STXBP5: variants seen among roughly 807,000 people sequenced by gnomAD.
The protein encoded by STXBP5 is syntaxin binding protein 5, also known as syntaxin-binding protein 5.
Under a neutral mutation model 152.4 loss-of-function variants are expected in STXBP5, and 50 were observed. The observed-to-expected ratio is 0.33, with a 90% confidence interval of 0.26 to 0.42. STXBP5 has a LOEUF of 0.42. STXBP5 is among the 10% of genes least tolerant of loss of function. The pLI is 1.00. For missense variants in STXBP5, 1,167 were observed against 1,388.6 expected (o/e 0.84, Z 2.54); for synonymous variants, 492 against 494.7 (o/e 0.99, Z 0.07).
chr6:147,260,651 G>T lies in STXBP5; in HGVS notation c.468G>T (p.Trp156Cys). 3.7e-6 allele frequency: 6 copies of T among 1,613,616 alleles called. No homozygotes were observed. The highest frequency in any genetic ancestry group is 5.1e-6 in the Non-Finnish European group (6 of 1,179,718). Residue 156 changes from tryptophan to cysteine, a missense_variant, in exon 5 of 28, where the codon TGG (tryptophan) becomes TGT (cysteine). By Grantham distance (215) the Trp-to-Cys change is radical (BLOSUM62 -2). Transcript: ENST00000321680. ...TFCHLPFQSKWLYVGTERGNI... is the reference protein window; with the variant it reads ...TFCHLPFQSKCLYVGTERGNI... ...GCCATCTGCCTTTCCAGAGTAAGTGGCTCTATGTGGGCACTGAACGAGGTA... is the reference window on the plus strand; with the variant it reads ...GCCATCTGCCTTTCCAGAGTAAGTGTCTCTATGTGGGCACTGAACGAGGTA...
chr6:147,258,142 A>G (rs1312130150), intron 4 of STXBP5, among the ~76,000 whole-genome samples: 1 of 152,172 alleles, frequency 6.6e-6, no homozygotes, highest in Non-Finnish European at 1.5e-5. Context: ...CTAATAATTC[A>G]TTGGCGCATG....
chr6:147,322,317 A>G (rs1035669771), intron 16 of STXBP5, among the ~76,000 whole-genome samples: 1 of 152,214 alleles, frequency 6.6e-6, no homozygotes, highest in Non-Finnish European at 1.5e-5. Flanking sequence ...GTATTTCCCT[A>G]AGAATAATTC....
chr6:147,218,971 T>C (rs886713941), intron 2 of STXBP5, among the ~76,000 whole-genome samples: 24 of 152,216 alleles, frequency 1.6e-4, no homozygotes, highest in African/African-American at 5.5e-4. Context: ...CATTAGCTGG[T>C]GCTCCCATTA....
chr6:147,211,050 C>G (rs568428156), intron 2 of STXBP5, among the ~76,000 whole-genome samples: 1 of 152,118 alleles, frequency 6.6e-6, no homozygotes, highest in Non-Finnish European at 1.5e-5. Context: ...CAGAGGCTCA[C>G]GCCTGTAATC....
At chr6:147,226,929 A>G (rs1777748707) in intron 2 of STXBP5, among the ~76,000 whole-genome samples, 1 of 152,172 alleles carries the variant, frequency 6.6e-6, no homozygotes, top group Non-Finnish European at 1.5e-5. Flanking sequence ...GAGGGTAATT[A>G]GGATCATTAG....
chr6:147,381,883 G>A (rs1786103031), intron 26 of STXBP5, among the ~76,000 whole-genome samples: 1 of 152,088 alleles, frequency 6.6e-6, no homozygotes, highest in Non-Finnish European at 1.5e-5. Flanking sequence ...GCAAAGAGTG[G>A]GAATGGAAAG....
At position 147,324,263 on chromosome 6, in the gene STXBP5, G is replaced by GTTTTTTTTT. The variant is rs764684701; in HGVS notation, c.1803-696_1803-695insTTTTTTTTT. ...TTTAAGTTTTGTGGGGTTTTTTTTT[G>GTTTTTTTTT]GTTTTTTTTTTTTTTTTTTTTTTTT... is the stretch of plus-strand genomic sequence containing the variant. On this transcript the variant is annotated intron_variant, in intron 16 of 27. Transcript: ENST00000321680. Among the ~76,000 whole-genome samples, 114 of 85,010 alleles carry GTTTTTTTTT rather than the reference G, an allele frequency of 1.3e-3. 6 individuals are homozygous for GTTTTTTTTT. The highest frequency in any genetic ancestry group is 1.9e-3 in the East Asian group (6 of 3,182). 55.8% of individuals were successfully genotyped at this position (85,010 alleles called of 152,430 possible).
rs1315782198 is a variant in STXBP5 at position 147,259,730 on chromosome 6, TG to T, written c.432-878del. ...ATAAAGTCTTTTCTGAGAGACGAAA[TG>T]GGGGGGTCTGTAGGAAAAAAAATAA... On this transcript the variant is annotated intron_variant, in intron 4 of 27. Coordinates refer to ENST00000321680, the MANE Select transcript of STXBP5 (RefSeq NM_001127715.4). 4.6e-5 allele frequency among the ~76,000 whole-genome samples: 7 copies of T among 151,842 alleles called. No individual in the cohort carries two copies. The South Asian group carries it at 8.3e-4, about 18-fold the overall frequency.
chr6:147,359,526 T>C (rs1450242896), intron 23 of STXBP5, among the ~76,000 whole-genome samples: 1 of 152,002 alleles, frequency 6.6e-6, no homozygotes, highest in Non-Finnish European at 1.5e-5. Context: ...TAGTTACATA[T>C]GTATACATAT....
At chr6:147,329,306 A>G (rs1438044631) in intron 18 of STXBP5, among the ~76,000 whole-genome samples, 1 of 149,032 alleles carries the variant, frequency 6.7e-6, no homozygotes, top group Admixed American at 6.7e-5. Flanking sequence ...ATTTAGGCAC[A>G]GGAGAACTAT....
At chr6:147,251,177 G>A (rs917596495) in intron 4 of STXBP5, among the ~76,000 whole-genome samples, 3 of 152,082 alleles carry the variant, frequency 2.0e-5, no homozygotes, top group Non-Finnish European at 4.4e-5. Context: ...ACCCGGAAGC[G>A]GAAAGGGTCG....
In STXBP5 at chr6:147,292,205, A is replaced by AAT. The variant is rs201662105; in HGVS notation, c.917+1043_917+1044dup. Reference sequence around the variant, plus strand: ...CATTTGAGTAAAGGTACCAGGCTAAAATATATATATAAAAATGTCGTTATC... The same window carrying AAT: ...CATTTGAGTAAAGGTACCAGGCTAAAATATATATATATAAAAATGTCGTTATC... On this transcript the variant is annotated intron_variant, in intron 9 of 27. Transcript: ENST00000321680. 1,225 of 448,234 alleles carry AAT rather than the reference A, an allele frequency of 2.7e-3. 7 individuals carry two copies. Among genetic ancestry groups the AAT allele is most frequent in the African/African-American group, 0.019 (923 of 49,546 alleles). 27.8% of individuals were successfully genotyped at this position (448,234 alleles called of 1,614,324 possible).
Position 147,251,551 on chromosome 6 carries a change from C to T in STXBP5, c.432-9064C>T, listed in dbSNP as rs1180906552. On this transcript the variant is annotated intron_variant, in intron 4 of 27. Coordinates refer to ENST00000321680, the MANE Select transcript of STXBP5 (RefSeq NM_001127715.4). Reference sequence around the variant, plus strand: ...GACTGCCTCTCTAGATTTCTCCTCTCTGGGCAGGGCATCTCTGAAAGAAAG... The same window carrying T: ...GACTGCCTCTCTAGATTTCTCCTCTTTGGGCAGGGCATCTCTGAAAGAAAG... Among the ~76,000 whole-genome samples, 11 of 152,220 alleles carry T rather than the reference C, an allele frequency of 7.2e-5. 1 individual carries two copies. In the East Asian group the frequency reaches 1.9e-3, roughly 27 times the overall value.
In STXBP5 at chr6:147,388,750, T is replaced by G. The variant is rs1198627765; in HGVS notation, c.*3995T>G. 1 of 151,058 alleles carries G rather than the reference T, an allele frequency of 6.6e-6. No homozygotes were observed. Among genetic ancestry groups the G allele is most frequent in the African/African-American group, 2.4e-5 (1 of 41,342 alleles). 9.4% of individuals were successfully genotyped at this position (151,058 alleles called of 1,614,324 possible). A position where few individuals can be genotyped will look rare whatever the true frequency, so the allele number is the denominator to read the frequency against. On this transcript the variant is annotated 3_prime_UTR_variant, in exon 28 of 28. Transcript: ENST00000321680. ...TGCCCACAACAATAATTGCAAGATC[T>G]TTCTCAATAGCTTCAGTTTGCTGTT...
chr6:147,311,085 GAAA>G (rs1323734369), intron 10 of STXBP5, among the ~76,000 whole-genome samples: 2 of 152,124 alleles, frequency 1.3e-5, no homozygotes, highest in African/African-American at 4.8e-5. Flanking sequence ...AGGCACATAT[GAAA>G]CATCCAAGAA....
chr6:147,250,398 T>C lies in STXBP5; in HGVS notation c.432-10217T>C, dbSNP rs77784665. On this transcript the variant is annotated intron_variant, in intron 4 of 27. Coordinates refer to ENST00000321680, the MANE Select transcript of STXBP5 (RefSeq NM_001127715.4). ...TCAACCAACTATGGCTTGAAAATAT[T>C]TGGGGAAAAATACAAAAAAAAATAG... 7.2e-3 allele frequency among the ~76,000 whole-genome samples: 1,093 copies of C among 152,282 alleles called. 13 individuals are homozygous for C. Among genetic ancestry groups the C allele is most frequent in the African/African-American group, 0.025 (1,048 of 41,566 alleles).
chr6:147,339,055 G>A, intron 19 of STXBP5, 124 bp from the exon 20 acceptor site: 1 of 763,728 alleles, frequency 1.3e-6, no homozygotes, highest in Non-Finnish European at 2.1e-6. Context: ...CTCTTCTTGT[G>A]GTCACTAACA....
intron 2 of STXBP5, among the ~76,000 whole-genome samples, chr6:147,227,839 A>G (rs1367619188): frequency 1.3e-5 from 2 of 152,042 alleles, no homozygotes; most frequent in African/African-American, 4.8e-5. Context: ...TTTTATTTCA[A>G]AGTCAAGTGA....
In STXBP5 at chr6:147,280,270, T is replaced by G. The variant is rs192737871; in HGVS notation, c.838+2066T>G. On this transcript the variant is annotated intron_variant, in intron 8 of 27. Coordinates refer to ENST00000321680, the MANE Select transcript of STXBP5 (RefSeq NM_001127715.4). Reference sequence around the variant, plus strand: ...CGTGCCTCAGTATGGTTTTGTCTCATGTTTATTCATGATGAGATTTAGGTT... The same window carrying G: ...CGTGCCTCAGTATGGTTTTGTCTCAGGTTTATTCATGATGAGATTTAGGTT... Among the ~76,000 whole-genome samples the G allele has an allele frequency of 4.6e-5, 7 of 152,298 alleles. No individual in the cohort carries two copies. In the East Asian group the frequency reaches 1.4e-3, roughly 29 times the overall value.
Sources: gnomAD v4.1 joint callset for allele counts (sites outside exome capture counted in the v4.1 genomes callset) on GRCh38, gnomAD v4.1.1 for gene constraint, MANE v1.5 for transcripts, NCBI Gene and HGNC (gene_info 2026-07-23, HGNC 2026-07-21) for gene names.